ANKRD17: variants seen among roughly 807,000 people sequenced by gnomAD.
ANKRD17 encodes ankyrin repeat domain 17.
ANKRD17 carries 19 observed loss-of-function variants against 229.7 expected under a neutral mutation model. The observed-to-expected ratio is 0.08, with a 90% CI of 0.06 to 0.12. ANKRD17 has a LOEUF of 0.12. Among genes scored for constraint, ANKRD17 ranks in the 10% least tolerant of loss-of-function variants. The probability of loss-of-function intolerance (pLI) is 1.00; values close to 1 mark genes in which losing one functional copy is unlikely to be tolerated. For synonymous variants in ANKRD17, 1,112 were observed against 1,146.1 expected, an observed-to-expected ratio of 0.97 and a Z score of 0.60; for missense variants, 2,176 against 3,176.8, an observed-to-expected ratio of 0.68 and a Z score of 7.57.
Position 73,091,089 on chromosome 4 carries a change from G to C in ANKRD17, c.6539C>G (p.Pro2180Arg). 2 of 1,614,226 alleles carry C rather than the reference G, an allele frequency of 1.2e-6. No individual in the cohort carries two copies. Among genetic ancestry groups the C allele is most frequent in the South Asian group, 2.2e-5 (2 of 91,086 alleles). ...AGGGGCAGTTGTGCCATGAGGGGGT[G>C]GTCTAATAGCAGGGGTTTCCATTTT... The part of the protein sequence containing the change: ...TPKMETPAIR[P>R]PPHGTTAPHK... The change falls in exon 29 of 34, where the codon CCA (proline) becomes CGA (arginine). Residue 2180 changes from proline (P) to arginine (R), a missense_variant. This residue lies in a region of ANKRD17 where 424 missense variants were observed against 454.0 expected (regional missense o/e 0.93). Coordinates refer to ENST00000358602, the MANE Select transcript of ANKRD17 (RefSeq NM_032217.5).
chr4:73,203,871 C>T (rs973049578), intron 1 of ANKRD17, among the ~76,000 whole-genome samples: 2 of 150,238 alleles, frequency 1.3e-5, no homozygotes, highest in East Asian at 2.0e-4. Context: ...AAGAAAAACA[C>T]GAAGAAAAGT....
intron 2 of ANKRD17, among the ~76,000 whole-genome samples, chr4:73,174,158 G>C (rs1345346369): frequency 6.9e-6 from 1 of 144,426 alleles, no homozygotes; most frequent in Non-Finnish European, 1.5e-5. Flanking sequence ...ACAGATCCCT[G>C]ATGAACATAG....
In ANKRD17 at chr4:73,193,460, C is replaced by T. The variant is rs566649132; in HGVS notation, c.394-15927G>A. 7.9e-5 allele frequency among the ~76,000 whole-genome samples: 12 copies of T among 152,312 alleles called. No homozygotes were observed. The South Asian group carries it at 2.5e-3, about 32-fold the overall frequency. On this transcript the variant is annotated intron_variant, in intron 1 of 33. Coordinates refer to ENST00000358602, the MANE Select transcript of ANKRD17 (RefSeq NM_032217.5). The stretch of plus-strand genomic sequence containing the variant: ...TTTTACGTGACACCACTATACATTC[C>T]TACCTGCAATATATGAAAGTTCCAG...
chr4:73,094,055 A>AAAATGT, intron 28 of ANKRD17, 24 bp downstream of exon 28: 1 of 1,609,470 alleles, frequency 6.2e-7, no homozygotes, highest in South Asian at 1.1e-5. Flanking sequence ...ATAAAGGAAG[A>AAAATGT]AAATGTAAGA....
At chr4:73,165,651 T>C (rs548794398) in intron 2 of ANKRD17, among the ~76,000 whole-genome samples, 20 of 152,348 alleles carry the variant, frequency 1.3e-4, no homozygotes, top group African/African-American at 4.6e-4. Context: ...ATAGCATTGT[T>C]GACCTAAAGA....
intron 24 of ANKRD17, among the ~76,000 whole-genome samples, chr4:73,108,467 G>T (rs753873574): frequency 6.6e-6 from 1 of 152,118 alleles, no homozygotes; most frequent in African/African-American, 2.4e-5. Flanking sequence ...AAGGCTTTTC[G>T]CTAAAAGGTA....
chr4:73,248,625 G>A (rs551979858), intron 1 of ANKRD17, among the ~76,000 whole-genome samples: 1 of 151,962 alleles, frequency 6.6e-6, no homozygotes, highest in African/African-American at 2.4e-5. Context: ...AATAAGATTA[G>A]ATAATAGCTA....
chr4:73,108,829 G>C (rs757225104), intron 24 of ANKRD17, among the ~76,000 whole-genome samples: 2 of 152,162 alleles, frequency 1.3e-5, no homozygotes, highest in African/African-American at 2.4e-5. Context: ...TGAGGCAAGA[G>C]GGTTGAAGTC....
chr4:73,203,766 A>C (rs1317061660), intron 1 of ANKRD17, among the ~76,000 whole-genome samples: 3 of 150,946 alleles, frequency 2.0e-5, no homozygotes, highest in South Asian at 2.1e-4. Flanking sequence ...CTCAAAAAAA[A>C]AAAAAAAAAA....
In ANKRD17 at chr4:73,102,441, T is replaced by G; in HGVS notation, c.4508A>C (p.Glu1503Ala). ...EEQRRKLEEI[E>A]AKNKENFELQ... ...TTCAAAGTTCTCTTTATTTTTGGCTTCAATTTCTTCTAGTTTCCTTCTTTG... is the reference window on the plus strand; with the variant it reads ...TTCAAAGTTCTCTTTATTTTTGGCTGCAATTTCTTCTAGTTTCCTTCTTTG... The change falls in exon 25 of 34, where the codon GAA (glutamate) becomes GCA (alanine). Residue 1503 changes from glutamate (E) to alanine (A), a missense_variant. By Grantham distance (107) the Glu-to-Ala change is moderately radical (BLOSUM62 -1). Around this residue, in one of 18 missense-constraint regions of ANKRD17, gnomAD observed 105 missense variants for 118.3 expected, o/e 0.89. Coordinates refer to ENST00000358602, the MANE Select transcript of ANKRD17 (RefSeq NM_032217.5). The G allele has an allele frequency of 6.2e-7, 1 of 1,606,622 alleles. No individual in the cohort carries two copies. The highest frequency in any genetic ancestry group is 1.3e-5 in the African/African-American group (1 of 74,344).
chr4:73,099,448 C>A (rs1723696475), intron 25 of ANKRD17, among the ~76,000 whole-genome samples: 1 of 152,178 alleles, frequency 6.6e-6, no homozygotes, highest in Admixed American at 6.5e-5. Context: ...TTAGCCACAC[C>A]CTGCACATGC....
chr4:73,258,611 G>C lies in ANKRD17; in HGVS notation c.58C>G (p.Pro20Ala), dbSNP rs1172448849. ...AATAAEGEGS[P>A]PAVAAVAGPP... ...CCCGCCACAGCCGCCACCGCCGGGG[G>C]GCTCCCTTCTCCTTCTGCAGCCGTC... The change falls in exon 1 of 34, where the codon CCC becomes GCC. Residue 20 changes from proline (P) to alanine (A), a missense_variant. Coordinates refer to ENST00000358602, the MANE Select transcript of ANKRD17 (RefSeq NM_032217.5). 6.8e-7 allele frequency: 1 copy of C among 1,478,946 alleles called. No homozygotes were observed. Among genetic ancestry groups the C allele is most frequent in the Non-Finnish European group, 8.9e-7 (1 of 1,124,830 alleles). The allele number at this position is 1,478,946 out of a possible 1,614,324, so 91.6% of individuals were successfully genotyped here.
intron 19 of ANKRD17, 89 bp from the exon 20 acceptor site, chr4:73,121,183 G>C: frequency 8.7e-7 from 1 of 1,151,908 alleles, no homozygotes; most frequent in South Asian, 1.3e-5. Flanking sequence ...TCTAATCTAA[G>C]ATTATTTTGA....
chr4:73,149,490 G>T (rs910050245), intron 7 of ANKRD17, among the ~76,000 whole-genome samples: 1 of 152,090 alleles, frequency 6.6e-6, no homozygotes, highest in East Asian at 1.9e-4. Context: ...TTGGAGAAGT[G>T]GGGGAAGGAT....
At chr4:73,182,804 AT>A in intron 1 of ANKRD17, among the ~76,000 whole-genome samples, 1 of 152,320 alleles carries the variant, frequency 6.6e-6, no homozygotes, top group South Asian at 2.1e-4. Flanking sequence ...CACTATTAAC[AT>A]TTTGGACCAG....
At chr4:73,112,333 A>G (rs1043654675) in intron 24 of ANKRD17, among the ~76,000 whole-genome samples, 10 of 152,342 alleles carry the variant, frequency 6.6e-5, no homozygotes, top group South Asian at 4.1e-4. Context: ...AATCAAATAT[A>G]TATTCTATCA....
chr4:73,123,769 A>T (rs1727068472), intron 18 of ANKRD17, among the ~76,000 whole-genome samples: 1 of 151,824 alleles, frequency 6.6e-6, no homozygotes, highest in Admixed American at 6.6e-5. Flanking sequence ...AACTAACTAG[A>T]GCTCAATATA....
intron 1 of ANKRD17, among the ~76,000 whole-genome samples, chr4:73,242,379 G>T (rs1744118957): frequency 6.6e-6 from 1 of 151,838 alleles, no homozygotes; most frequent in African/African-American, 2.4e-5. Context: ...ATAGCAGGAA[G>T]AACTATAAAA....
intron 18 of ANKRD17, among the ~76,000 whole-genome samples, chr4:73,123,486 T>C (rs1727025970): frequency 2.0e-5 from 3 of 152,072 alleles, no homozygotes; most frequent in East Asian, 3.9e-4. Context: ...TCCTTGTCTC[T>C]TGTGTGGAGT....
Sources: allele counts gnomAD v4.1 joint callset (sites outside exome capture counted in the v4.1 genomes callset), GRCh38; gene constraint gnomAD v4.1.1; regional missense constraint gnomAD v4.1.1; transcripts MANE v1.5; gene names NCBI Gene and HGNC (gene_info 2026-07-23, HGNC 2026-07-21).